Variants in CHUK observed in about 807,000 individuals in gnomAD.
CHUK encodes the protein inhibitor of nuclear factor kappa-B kinase subunit alpha.
CHUK carries 35 observed loss-of-function variants against 104.8 expected under a neutral mutation model. The observed-to-expected ratio is 0.33, with a 90% CI of 0.26 to 0.44. The LOEUF is 0.44. Ranked by LOEUF, CHUK falls within the 20% of genes least tolerant of loss-of-function variation. The pLI is 1.00. For missense variants in CHUK, 663 were observed against 902.7 expected, an observed-to-expected ratio of 0.73 and a Z score of 3.40; for synonymous variants, 276 against 291.9, an observed-to-expected ratio of 0.95 and a Z score of 0.56.
chr10:100,218,079 G>T lies in CHUK; in HGVS notation c.849C>A (p.Asp283Glu). 6.2e-7 allele frequency: 1 copy of T among 1,612,398 alleles called. No homozygotes were observed. Among genetic ancestry groups the T allele is most frequent in the African/African-American group, 1.3e-5 (1 of 74,974 alleles). ...ENWLQLMLNW[D>E]PQQRGGPVDL... ...CAACAGGTCCTCCTCTCTGCTGAGG[G>T]TCCCAATTCAACATCAACTGTAGCC... Residue 283 changes from aspartate to glutamate, a missense_variant, in exon 9 of 21, where the codon GAC (aspartate) becomes GAA (glutamate). This residue lies in a region of CHUK where 200 missense variants were observed against 333.0 expected (regional missense o/e 0.60). Transcript: ENST00000370397.
chr10:100,218,984 C>G (rs1333035115), intron 7 of CHUK, 24 bp downstream of exon 7: 1 of 1,613,606 alleles, frequency 6.2e-7, no homozygotes, highest in Non-Finnish European at 8.5e-7. Context: ...ATTAAGCATG[C>G]CCAAGTTCTC....
In CHUK at chr10:100,229,518, C is replaced by T. The variant is rs1480542742; in HGVS notation, c.15G>A (p.Pro5=). 1.3e-6 allele frequency: 2 copies of T among 1,551,346 alleles called. No homozygotes were observed. Among genetic ancestry groups the T allele is most frequent in the South Asian group, 2.3e-5 (2 of 85,688 alleles). The change falls in exon 1 of 21, where the codon CCG becomes CCA. Residue 5 remains proline, a synonymous_variant. Transcript: ENST00000370397. MERP[P]GLRPGAGGPW... ...GCCCGCCCGCGCCCGGCCGCAGCCC[C>T]GGGGGCCGCTCCATGGGGCGGGAGG...
intron 2 of CHUK, among the ~76,000 whole-genome samples, chr10:100,223,624 AAAAAAG>A (rs1300178474): frequency 2.0e-5 from 3 of 152,174 alleles, no homozygotes; most frequent in Admixed American, 6.5e-5. Context: ...AAAAAAAAGA[AAAAAAG>A]AAAAAGAAGC....
chr10:100,193,837 TG>T, intron 18 of CHUK, 146 bp downstream of exon 18: 2 of 720,480 alleles, frequency 2.8e-6, no homozygotes, highest in Non-Finnish European at 4.8e-6. Flanking sequence ...ATTGCTAGTC[TG>T]GACACCAAGC....
Position 100,229,502 on chromosome 10 carries a change from C to G in CHUK, c.31G>C (p.Ala11Pro). Residue 11 changes from alanine (A) to proline (P), a missense_variant, in exon 1 of 21, where the codon GCG becomes CCG. Transcript: ENST00000370397. MERPPGLRPG[A>P]GGPWEMRERL... is the part of the protein sequence containing the mutation. ...TCCCGCATCTCCCAGGGCCCGCCCG[C>G]GCCCGGCCGCAGCCCCGGGGGCCGC... 1 of 1,571,318 alleles carries G rather than the reference C, an allele frequency of 6.4e-7. No homozygotes were observed. Among genetic ancestry groups the G allele is most frequent in the South Asian group, 1.1e-5 (1 of 87,462 alleles).
intron 9 of CHUK, among the ~76,000 whole-genome samples, chr10:100,214,406 A>C (rs549098840): frequency 6.6e-6 from 1 of 152,292 alleles, no homozygotes; most frequent in East Asian, 1.9e-4. Flanking sequence ...TACCAGGCAA[A>C]ATGTGATAGG....
At chr10:100,226,050 A>C (rs775007145) in intron 1 of CHUK, 33 bp from the exon 2 acceptor site, 1 of 1,289,434 alleles carries the variant, frequency 7.8e-7, no homozygotes, top group Admixed American at 1.7e-5. Flanking sequence ...GAAAAAAAAA[A>C]TTAGGTTCTT....
intron 11 of CHUK, among the ~76,000 whole-genome samples, chr10:100,206,784 GCTTTA>G (rs754215838): frequency 6.6e-6 from 1 of 152,112 alleles, no homozygotes; most frequent in South Asian, 2.1e-4. Flanking sequence ...ACAATTTTGT[GCTTTA>G]CTTTATTTGG....
rs374815060 is a variant in CHUK, at chr10:100,200,038, C to T, written c.1680-18G>A. 29 of 1,591,264 alleles carry T rather than the reference C, an allele frequency of 1.8e-5. No individual in the cohort carries two copies. Among genetic ancestry groups the T allele is most frequent in the African/African-American group, 5.4e-5 (4 of 74,474 alleles). On this transcript the variant is annotated intron_variant, in intron 15 of 20. Coordinates refer to ENST00000370397, the MANE Select transcript of CHUK (RefSeq NM_001278.5). ...GCTGTTCCCTATAAAAGAGAAAACA[C>T]GCTCTGATAAGTGAAGGTAATTTAA... is the stretch of plus-strand genomic sequence containing the variant.
At chr10:100,216,784 G>T (rs946765343) in intron 9 of CHUK, among the ~76,000 whole-genome samples, 1 of 152,062 alleles carries the variant, frequency 6.6e-6, no homozygotes, top group Non-Finnish European at 1.5e-5. Flanking sequence ...CTGCATAATA[G>T]AACTATCTAT....
At chr10:100,215,776 G>A (rs1845841601) in intron 9 of CHUK, among the ~76,000 whole-genome samples, 1 of 151,958 alleles carries the variant, frequency 6.6e-6, no homozygotes, top group African/African-American at 2.4e-5. Flanking sequence ...AAACATTTTG[G>A]GAAAATGTCC....
intron 1 of CHUK, among the ~76,000 whole-genome samples, chr10:100,228,777 T>C (rs1215382090): frequency 2.0e-5 from 3 of 152,096 alleles, no homozygotes; most frequent in Non-Finnish European, 4.4e-5. Context: ...CTCCACCTAC[T>C]AGAGCGCCCC....
In CHUK at chr10:100,202,764, CA is replaced by C. The variant is rs202103579; in HGVS notation, c.1508-616del. The stretch of plus-strand genomic sequence containing the variant: ...GATGGGTGGATAAAGGAAAAAACAA[CA>C]AAAAAAATTTTTTTTTGAGGTAGAG... On this transcript the variant is annotated intron_variant, in intron 13 of 20. Coordinates refer to ENST00000370397, the MANE Select transcript of CHUK (RefSeq NM_001278.5). Among the ~76,000 whole-genome samples, 282 of 151,854 alleles carry C rather than the reference CA, an allele frequency of 1.9e-3. 1 individual carries two copies. The highest frequency in any genetic ancestry group is 6.7e-3 in the African/African-American group (276 of 41,438).
intron 2 of CHUK, among the ~76,000 whole-genome samples, chr10:100,223,968 A>T (rs1399244633): frequency 6.6e-6 from 1 of 152,228 alleles, no homozygotes; most frequent in Non-Finnish European, 1.5e-5. Flanking sequence ...CTCCCCTTGA[A>T]TGTAGGCTGT....
chr10:100,219,127 T>C lies in CHUK; in HGVS notation c.570A>G (p.Pro190=), dbSNP rs1425193261. The C allele has an allele frequency of 5.0e-6, 8 of 1,613,728 alleles. No homozygotes were observed. Among genetic ancestry groups the C allele is most frequent in the South Asian group, 1.1e-5 (1 of 91,084 alleles). The change falls in exon 7 of 21, where the codon CCA becomes CCG. Residue 190 remains proline (P), a synonymous_variant. Coordinates refer to ENST00000370397, the MANE Select transcript of CHUK (RefSeq NM_001278.5). Reference sequence around the variant, plus strand: ...TGTAAGGCTTATTCTCAAAGAGCTCTGGGGCCTTCAAAAGAGAAAATGCTT... The same window carrying C: ...TGTAAGGCTTATTCTCAAAGAGCTCCGGGGCCTTCAAAAGAGAAAATGCTT... ...SFVGTLQYLA[P]ELFENKPYTA... is the part of the protein sequence containing the mutation.
chr10:100,206,434 G>C (rs1459515351), intron 11 of CHUK, among the ~76,000 whole-genome samples: 1 of 151,418 alleles, frequency 6.6e-6, no homozygotes, highest in Non-Finnish European at 1.5e-5. Flanking sequence ...TGAGAACTCT[G>C]TACTATCTGC....
At chr10:100,194,637 C>T in intron 16 of CHUK, 116 bp from the exon 17 acceptor site, 2 of 649,776 alleles carry the variant, frequency 3.1e-6, no homozygotes, top group Non-Finnish European at 5.5e-6. Flanking sequence ...TAATAAACAT[C>T]TCCATTTAAA....
chr10:100,202,612 A>C (rs772421155), intron 13 of CHUK, among the ~76,000 whole-genome samples: 3 of 152,316 alleles, frequency 2.0e-5, no homozygotes, highest in Middle Eastern at 3.4e-3. Flanking sequence ...TTTAGCCTCC[A>C]GGGCTGTGAG....
At chr10:100,212,611 T>A (rs1845755863) in intron 9 of CHUK, among the ~76,000 whole-genome samples, 1 of 152,230 alleles carries the variant, frequency 6.6e-6, no homozygotes, top group Non-Finnish European at 1.5e-5. Context: ...TTTCGTTTTG[T>A]TGATTATTTT....
Sources: gnomAD v4.1 joint callset for allele counts (sites outside exome capture counted in the v4.1 genomes callset) on GRCh38, gnomAD v4.1.1 for gene constraint, gnomAD v4.1.1 regional missense constraint, MANE v1.5 for transcripts, NCBI Gene and HGNC (gene_info 2026-07-23, HGNC 2026-07-21) for gene names.